Variants in TTLL5 observed in about 807,000 individuals in gnomAD.
The protein encoded by TTLL5 is tubulin tyrosine ligase like 5.
A neutral mutation model predicts 168.4 loss-of-function variants in TTLL5; 132 were observed. The ratio of observed to expected loss-of-function variants is 0.78; its 90% confidence interval spans 0.68 to 0.91. TTLL5 has a LOEUF of 0.91. Ranked by LOEUF, TTLL5 falls within the 40% of genes least tolerant of loss-of-function variation. TTLL5 has a pLI of 0.00. For missense variants in TTLL5, 1,545 were observed against 1,581.5 expected, an observed-to-expected ratio of 0.98 and a Z score of 0.39; for synonymous variants, 546 against 558.6, an observed-to-expected ratio of 0.98 and a Z score of 0.32.
chr14:75,863,216 GT>G (rs1384855153), intron 28 of TTLL5, among the ~76,000 whole-genome samples: 5 of 152,160 alleles, frequency 3.3e-5, no homozygotes, highest in African/African-American at 1.2e-4. Flanking sequence ...CTGATGGGTG[GT>G]TGAGAGAAAA....
intron 21 of TTLL5, among the ~76,000 whole-genome samples, chr14:75,773,925 T>TAGAGAGAG (rs1341418983): frequency 1.6e-3 from 41 of 26,266 alleles, no homozygotes; most frequent in African/African-American, 2.1e-3. Flanking sequence ...TATATATATA[T>TAGAGAGAG]ATAGAGAGAG....
chr14:75,722,027 T>A (rs1199961805), intron 12 of TTLL5, among the ~76,000 whole-genome samples: 2 of 152,240 alleles, frequency 1.3e-5, no homozygotes, highest in African/African-American at 2.4e-5. Flanking sequence ...TGATATGACC[T>A]GAAAGGCTTC....
intron 15 of TTLL5, 152 bp downstream of exon 15, chr14:75,735,441 G>A: frequency 3.0e-6 from 2 of 667,648 alleles, no homozygotes; most frequent in Admixed American, 5.2e-5. Context: ...ATATTCAGCT[G>A]TGGCTAATAG....
At chr14:75,852,194 C>G (rs1408443051) in intron 28 of TTLL5, among the ~76,000 whole-genome samples, 2 of 152,164 alleles carry the variant, frequency 1.3e-5, no homozygotes, top group Admixed American at 6.5e-5. Context: ...TGCTGCCTCC[C>G]CTTCTGCAGG....
intron 27 of TTLL5, among the ~76,000 whole-genome samples, chr14:75,808,402 T>A (rs1392691311): frequency 6.6e-6 from 1 of 152,216 alleles, no homozygotes; most frequent in Non-Finnish European, 1.5e-5. Context: ...TGAGGTTTAT[T>A]TTATCAGCAT....
In TTLL5 at chr14:75,724,012, A is replaced by G. The variant is rs541090809; in HGVS notation, c.1042+3309A>G. Among the ~76,000 whole-genome samples, 752 of 147,554 alleles carry G rather than the reference A, an allele frequency of 5.1e-3. 11 individuals are homozygous for G. The highest frequency in any genetic ancestry group is 4.9e-3 in the Non-Finnish European group (327 of 66,598). On this transcript the variant is annotated intron_variant, in intron 12 of 31. Transcript: ENST00000298832. ...GGGTTTAAGTCACAAGGAATAAGCT[A>G]GTTGTTTTTTTTTTTTTCCATTTAT...
At chr14:75,891,643 G>A (rs925054935) in intron 30 of TTLL5, among the ~76,000 whole-genome samples, 6 of 152,178 alleles carry the variant, frequency 3.9e-5, no homozygotes, top group Admixed American at 1.3e-4. Flanking sequence ...TGGAGATAGT[G>A]ATGGCAGTGG....
intron 2 of TTLL5, among the ~76,000 whole-genome samples, chr14:75,668,038 C>T (rs771777453): frequency 5.0e-4 from 76 of 152,108 alleles, no homozygotes; most frequent in African/African-American, 8.9e-4. Flanking sequence ...GGATTACAGG[C>T]GTGAGCCACC....
intron 30 of TTLL5, among the ~76,000 whole-genome samples, chr14:75,884,794 CTT>C (rs2032013676): frequency 6.6e-6 from 1 of 151,626 alleles, no homozygotes; most frequent in African/African-American, 2.4e-5. Flanking sequence ...ATTCTCCTGA[CTT>C]TTAGGAAAAA....
intron 28 of TTLL5, among the ~76,000 whole-genome samples, chr14:75,848,062 A>G (rs920901790): frequency 4.0e-5 from 6 of 151,500 alleles, no homozygotes; most frequent in African/African-American, 1.2e-4. Context: ...ACAGGTGGAG[A>G]AGGTTTAAAA....
chr14:75,678,766 A>G (rs949751323), intron 3 of TTLL5, among the ~76,000 whole-genome samples: 4 of 152,162 alleles, frequency 2.6e-5, no homozygotes, highest in African/African-American at 7.2e-5. Context: ...ATGTGATGCT[A>G]TTATTTTGCA....
intron 28 of TTLL5, among the ~76,000 whole-genome samples, chr14:75,847,151 A>C (rs569822466): frequency 3.9e-5 from 6 of 151,982 alleles, no homozygotes; most frequent in African/African-American, 1.5e-4. Context: ...ATAGGTGCCC[A>C]CCACCACACC....
At chr14:75,735,806 C>T (rs1434382344) in intron 15 of TTLL5, among the ~76,000 whole-genome samples, 1 of 152,216 alleles carries the variant, frequency 6.6e-6, no homozygotes, top group African/African-American at 2.4e-5. Context: ...TTTGATCAAG[C>T]ATTGCTTCGG....
chr14:75,768,371 G>A (rs1891085417), intron 20 of TTLL5, among the ~76,000 whole-genome samples: 1 of 152,198 alleles, frequency 6.6e-6, no homozygotes, highest in Non-Finnish European at 1.5e-5. Context: ...CAACTGAGTA[G>A]GTGGAAGACC....
intron 3 of TTLL5, among the ~76,000 whole-genome samples, chr14:75,676,357 A>G (rs1009825457): frequency 1.3e-5 from 2 of 152,196 alleles, no homozygotes; most frequent in Non-Finnish European, 2.9e-5. Context: ...CCAATTTTCA[A>G]TGGCTTAGCA....
intron 17 of TTLL5, among the ~76,000 whole-genome samples, chr14:75,750,423 A>G (rs1889876766): frequency 6.6e-6 from 1 of 151,248 alleles, no homozygotes; most frequent in Non-Finnish European, 1.5e-5. Flanking sequence ...ATTTGAAGTA[A>G]AATTATACAT....
chr14:75,794,384 A>G (rs935384957), intron 27 of TTLL5, among the ~76,000 whole-genome samples: 40 of 151,282 alleles, frequency 2.6e-4, no homozygotes, highest in African/African-American at 9.2e-4. Context: ...TAACTAGATT[A>G]TATGTTTCCG....
chr14:75,753,973 C>G (rs1323016222), intron 18 of TTLL5, among the ~76,000 whole-genome samples: 1 of 152,140 alleles, frequency 6.6e-6, no homozygotes, highest in African/African-American at 2.4e-5. Context: ...TTTCTTTTCT[C>G]TCCTTGTGGA....
At chr14:75,825,975 T>C (rs1288435979) in intron 28 of TTLL5, among the ~76,000 whole-genome samples, 3 of 149,206 alleles carry the variant, frequency 2.0e-5, no homozygotes, top group African/African-American at 7.4e-5. Flanking sequence ...GAGAGCTGAG[T>C]GCTGTCAGTG....
Sources: allele counts gnomAD v4.1 joint callset (sites outside exome capture counted in the v4.1 genomes callset), GRCh38; gene constraint gnomAD v4.1.1; transcripts MANE v1.5; gene names NCBI Gene and HGNC (gene_info 2026-07-23, HGNC 2026-07-21).